Variants in CCDC180 observed in about 807,000 individuals in gnomAD.
The protein encoded by CCDC180 is coiled-coil domain-containing protein 180.
In CCDC180, 154 loss-of-function variants were observed where a neutral mutation model predicts 209.2. That is an observed-to-expected ratio of 0.74 (90% CI 0.65 to 0.84). The LOEUF is 0.84. CCDC180 is among the 40% of genes least tolerant of loss of function. The pLI is 0.00. For synonymous variants in CCDC180, 778 were observed against 749.1 expected (o/e 1.04, Z -0.63); for missense variants, 1,874 against 1,997.3 (o/e 0.94, Z 1.18).
chr9:97,330,518 A>C lies in CCDC180; in HGVS notation c.2025A>C (p.Lys675Asn), dbSNP rs138459823. Reference sequence around the variant, plus strand: ...AAGAGGTGCTGGGGCAGCAGAAAAAATCTCCACTGCATGCTAAGATGGATG... The same window carrying C: ...AAGAGGTGCTGGGGCAGCAGAAAAACTCTCCACTGCATGCTAAGATGGATG... The part of the protein sequence containing the change: ...ITEEVLGQQK[K>N]SPLHAKMDES... The change falls in exon 18 of 37, where the codon AAA (lysine) becomes AAC (asparagine). Residue 675 changes from lysine (K) to asparagine (N), a missense_variant. Physicochemically the swap from Lys to Asn is moderately conservative, Grantham distance 94. Transcript: ENST00000529487. 6.2e-7 allele frequency: 1 copy of C among 1,614,098 alleles called. No homozygotes were observed. Among genetic ancestry groups the C allele is most frequent in the Admixed American group, 1.7e-5 (1 of 60,000 alleles).
At chr9:97,365,783 G>A (rs1424535798) in intron 30 of CCDC180, 44 bp downstream of exon 30, 5 of 1,567,858 alleles carry the variant, frequency 3.2e-6, no homozygotes, top group East Asian at 2.2e-5. Context: ...TGGAAACCAC[G>A]CCTGCCTTCT....
Position 97,367,126 on chromosome 9 carries a change from A to G in CCDC180, c.4189+426A>G, listed in dbSNP as rs575686358. Among the ~76,000 whole-genome samples the G allele has an allele frequency of 1.2e-3, 181 of 152,214 alleles. 1 individual carries two copies. The highest frequency in any genetic ancestry group is 0.012 in the South Asian group (56 of 4,818). ...CCCAGCCTAAAGCAACCACTAATCT[A>G]CTTTCTGTCTCTATAGACTTCCTTA... On this transcript the variant is annotated intron_variant, in intron 31 of 36. Coordinates refer to ENST00000529487, the MANE Select transcript of CCDC180 (RefSeq NM_020893.6).
At chr9:97,318,715 C>A in intron 10 of CCDC180, 133 bp downstream of exon 10, 1 of 1,219,272 alleles carries the variant, frequency 8.2e-7, no homozygotes, top group Non-Finnish European at 1.1e-6. Context: ...TGGCCCTGGG[C>A]TGGCCACCTG....
intron 34 of CCDC180, chr9:97,373,873 C>G (rs1009312883): frequency 1.3e-5 from 2 of 152,202 alleles, no homozygotes; most frequent in Non-Finnish European, 2.9e-5. Context: ...ATGCTGGGGT[C>G]GAGACCCCAG....
intron 26 of CCDC180, among the ~76,000 whole-genome samples, chr9:97,361,177 A>G (rs1826740774): frequency 6.6e-6 from 1 of 152,224 alleles, no homozygotes; most frequent in South Asian, 2.1e-4. Flanking sequence ...CTAGGTGCTC[A>G]CCATGGGCGC....
At chr9:97,370,171 C>T in intron 32 of CCDC180, 89 bp downstream of exon 32, 1 of 1,414,314 alleles carries the variant, frequency 7.1e-7, no homozygotes, top group Non-Finnish European at 9.6e-7. Context: ...GGGCCAAGTC[C>T]AAGGGAAGAA....
chr9:97,307,889 C>CA, intron 1 of CCDC180, 83 bp downstream of exon 1: 1 of 1,596,380 alleles, frequency 6.3e-7, no homozygotes, highest in East Asian at 2.2e-5. Context: ...AGTCCTTCCC[C>CA]GGGGAGTCCT....
chr9:97,329,946 T>C (rs980943111), intron 16 of CCDC180, among the ~76,000 whole-genome samples: 3 of 151,654 alleles, frequency 2.0e-5, no homozygotes, highest in Non-Finnish European at 4.4e-5. Flanking sequence ...CTGGCGCCTA[T>C]AGTCCCAGCT....
At position 97,328,130 on chromosome 9, in the gene CCDC180, G is replaced by A. The variant is rs758791008; in HGVS notation, c.1772G>A (p.Arg591His). ...SSALSQYFFV[R>H]EIFEQNLAGE... is the part of the protein sequence containing the mutation. ...GCCCTCAGCCAATACTTCTTTGTGC[G>A]TGAAATCTTTGAACAGGTATGGAGA... The change falls in exon 16 of 37, where the codon CGT becomes CAT. Residue 591 changes from arginine to histidine, a missense_variant. By Grantham distance (29) the Arg-to-His change is conservative. Coordinates refer to ENST00000529487, the MANE Select transcript of CCDC180 (RefSeq NM_020893.6). 27 of 1,613,828 alleles carry A rather than the reference G, an allele frequency of 1.7e-5. No individual in the cohort carries two copies. The highest frequency in any genetic ancestry group is 2.7e-5 in the African/African-American group (2 of 75,020).
chr9:97,374,271 G>A lies in CCDC180; in HGVS notation c.4601-272G>A, dbSNP rs182129960. 7.3e-3 allele frequency: 3,072 copies of A among 421,514 alleles called. 18 individuals carry two copies. The highest frequency in any genetic ancestry group is 9.3e-3 in the Non-Finnish European group (2,189 of 234,546). 26.1% of individuals were successfully genotyped at this position (421,514 alleles called of 1,614,324 possible). On this transcript the variant is annotated intron_variant, in intron 34 of 36. Coordinates refer to ENST00000529487, the MANE Select transcript of CCDC180 (RefSeq NM_020893.6). ...TATCCGGGGACTCATGGAAACTGCA[G>A]CAACGTCAGAGCATCAGGCTTGGGT... is the stretch of plus-strand genomic sequence containing the variant.
Position 97,364,089 on chromosome 9 carries a change from A to T in CCDC180, c.3941A>T (p.Lys1314Met). The part of the protein sequence containing the change: ...PHPKPNKMER[K>M]YRVLGDKPPP... ...CCCAAGCCCAACAAAATGGAGAGAA[A>T]GTACCGGGTGCTTGGGGACAAGCCT... The change falls in exon 29 of 37, where the codon AAG (lysine) becomes ATG (methionine). Residue 1314 changes from lysine to methionine, a missense_variant. Coordinates refer to ENST00000529487, the MANE Select transcript of CCDC180 (RefSeq NM_020893.6). 1 of 1,614,026 alleles carries T rather than the reference A, an allele frequency of 6.2e-7. No homozygotes were observed. Among genetic ancestry groups the T allele is most frequent in the East Asian group, 2.2e-5 (1 of 44,876 alleles).
chr9:97,317,528 G>A (rs1833217390), intron 9 of CCDC180, among the ~76,000 whole-genome samples: 1 of 152,068 alleles, frequency 6.6e-6, no homozygotes, highest in Non-Finnish European at 1.5e-5. Flanking sequence ...CATTCTCTGA[G>A]CTCCATACAG....
In CCDC180 at chr9:97,348,916, C is replaced by T. The variant is rs575680246; in HGVS notation, c.2675-195C>T. Reference sequence around the variant, plus strand: ...AGGGTGTCTCCACAAACAGGAGCTCCCTGCTCATGGCCAGGCCTCCTCTCC... The same window carrying T: ...AGGGTGTCTCCACAAACAGGAGCTCTCTGCTCATGGCCAGGCCTCCTCTCC... On this transcript the variant is annotated intron_variant, in intron 20 of 36. Transcript: ENST00000529487. 1.5e-3 allele frequency among the ~76,000 whole-genome samples: 221 copies of T among 152,296 alleles called. 1 individual carries two copies. The highest frequency in any genetic ancestry group is 5.0e-3 in the African/African-American group (208 of 41,566).
At chr9:97,339,202 T>C (rs1026268763) in intron 18 of CCDC180, among the ~76,000 whole-genome samples, 14 of 152,366 alleles carry the variant, frequency 9.2e-5, no homozygotes, top group Middle Eastern at 6.8e-3. Context: ...CCTGTCATTA[T>C]GATGTTAGCT....
intron 25 of CCDC180, chr9:97,358,046 C>G (rs1054109973): frequency 1.4e-5 from 3 of 216,844 alleles, no homozygotes; most frequent in African/African-American, 6.9e-5. Flanking sequence ...AAGGAGAACT[C>G]AGTCCTAGAT....
At chr9:97,371,528 C>T in intron 33 of CCDC180, 67 bp from the exon 34 acceptor site, 1 of 969,088 alleles carries the variant, frequency 1.0e-6, no homozygotes, top group Non-Finnish European at 1.6e-6. Context: ...TCACCCATCC[C>T]CTCTTCAGCT....
intron 20 of CCDC180, chr9:97,347,709 A>C: frequency 8.3e-6 from 4 of 484,788 alleles, no homozygotes; most frequent in South Asian, 3.2e-5. Context: ...TCTCATTTCC[A>C]TTTTTTTTTC....
intron 3 of CCDC180, among the ~76,000 whole-genome samples, chr9:97,310,409 G>C (rs1352585424): frequency 1.1e-5 from 1 of 90,880 alleles, no homozygotes; most frequent in Non-Finnish European, 2.1e-5. Context: ...CCTCAGATGA[G>C]AGCAGGCGGG....
In CCDC180 at chr9:97,330,461, A is replaced by G. The variant is rs540413019; in HGVS notation, c.1968A>G (p.Glu656=). 5 of 1,613,972 alleles carry G rather than the reference A, an allele frequency of 3.1e-6. No individual in the cohort carries two copies. Among genetic ancestry groups the G allele is most frequent in the African/African-American group, 2.7e-5 (2 of 75,056 alleles). ...GGTCAGTAGAAGAGGTGGAAGAAGAAAACGATCAAGAAATGGAGTCCTTCA... is the reference window on the plus strand; with the variant it reads ...GGTCAGTAGAAGAGGTGGAAGAAGAGAACGATCAAGAAATGGAGTCCTTCA... ...TARSVEEVEE[E]NDQEMESFIT... Residue 656 remains glutamate, a synonymous_variant, in exon 18 of 37, where the codon GAA becomes GAG. Transcript: ENST00000529487.
Sources: allele counts gnomAD v4.1 joint callset (sites outside exome capture counted in the v4.1 genomes callset), GRCh38; gene constraint gnomAD v4.1.1; transcripts MANE v1.5; gene names NCBI Gene and HGNC (gene_info 2026-07-23, HGNC 2026-07-21).